The following NUDCD1 variants were observed in gnomAD, a reference collection of about 807,000 sequenced individuals.
NUDCD1 encodes NudC domain containing 1.
NUDCD1 carries 60 observed loss-of-function variants against 67.8 expected under a neutral mutation model. The observed-to-expected ratio is 0.88, with a 90% CI of 0.72 to 1.10. NUDCD1 has a LOEUF of 1.10. NUDCD1 is among the 50% of genes least tolerant of loss of function. NUDCD1 has a pLI of 0.00. For missense variants in NUDCD1, 643 were observed against 695.0 expected, an observed-to-expected ratio of 0.93 and a Z score of 0.84; for synonymous variants, 244 against 230.8, an observed-to-expected ratio of 1.06 and a Z score of -0.52.
At chr8:109,264,403 G>A (rs1813942537) in intron 8 of NUDCD1, among the ~76,000 whole-genome samples, 1 of 152,094 alleles carries the variant, frequency 6.6e-6, no homozygotes, top group South Asian at 2.1e-4. Context: ...ACACTTTTCT[G>A]GTGAGATTAG....
At chr8:109,311,557 G>GTGTGTGTGTA (rs1815249161) in intron 2 of NUDCD1, among the ~76,000 whole-genome samples, 1 of 62,688 alleles carries the variant, frequency 1.6e-5, no homozygotes, top group African/African-American at 1.2e-4. Flanking sequence ...AGAAACTGTG[G>GTGTGTGTGTA]TGTATATATA....
At chr8:109,257,658 C>T (rs770110453) in intron 8 of NUDCD1, among the ~76,000 whole-genome samples, 13 of 152,028 alleles carry the variant, frequency 8.6e-5, no homozygotes, top group South Asian at 2.1e-4. Context: ...ACCATCTGAA[C>T]GGAAACTCCC....
intron 8 of NUDCD1, among the ~76,000 whole-genome samples, chr8:109,263,070 A>AAC (rs1216815682): frequency 2.0e-5 from 3 of 150,180 alleles, no homozygotes; most frequent in Non-Finnish European, 3.0e-5. Flanking sequence ...AAAAAAAAAA[A>AAC]AAAAAAAAAC....
chr8:109,276,808 G>A (rs66582255), intron 6 of NUDCD1, among the ~76,000 whole-genome samples: 14,227 of 151,906 alleles, frequency 0.094, 729 homozygotes, highest in Middle Eastern at 0.14. Flanking sequence ...TACAGGCCAC[G>A]CCATCATGCC....
intron 2 of NUDCD1, among the ~76,000 whole-genome samples, chr8:109,296,981 T>C (rs1169089247): frequency 1.3e-5 from 2 of 152,184 alleles, no homozygotes; most frequent in Non-Finnish European, 2.9e-5. Flanking sequence ...AGGCTTCAGA[T>C]GACTGCAGCC....
chr8:109,312,079 A>G (rs1815267230), intron 2 of NUDCD1, among the ~76,000 whole-genome samples: 1 of 152,108 alleles, frequency 6.6e-6, no homozygotes, highest in Admixed American at 6.6e-5. Flanking sequence ...AAGGCAGGCG[A>G]ATCACCTGAG....
At chr8:109,274,925 A>G (rs1814243979) in intron 7 of NUDCD1, among the ~76,000 whole-genome samples, 1 of 152,166 alleles carries the variant, frequency 6.6e-6, no homozygotes, top group Non-Finnish European at 1.5e-5. Flanking sequence ...CATTATAAAG[A>G]AAAAATAACT....
chr8:109,243,048 G>T lies in NUDCD1; in HGVS notation c.1713C>A (p.Thr571=). The part of the protein sequence containing the change: ...ATNERLFVLT[T]KNLFLIKVNT... ...TTACTTTTATTAAAAAGAGGTTTTT[G>T]GTAGTAAGAACAAATAATCTCTCAT... The change falls in exon 10 of 10, where the codon ACC becomes ACA. Residue 571 remains threonine (T), a synonymous_variant. Transcript: ENST00000239690. The T allele has an allele frequency of 6.3e-7, 1 of 1,599,038 alleles. No individual in the cohort carries two copies. The highest frequency in any genetic ancestry group is 2.2e-5 in the East Asian group (1 of 44,784).
Position 109,333,921 on chromosome 8 carries a change from C to G in NUDCD1, c.90G>C (p.Leu30=). ...CGTCAAGCTCCAGCTGGTAACAAGGCAGCGGCTCAAGAGAGAGCTTGTAAC... is the reference window on the plus strand; with the variant it reads ...CGTCAAGCTCCAGCTGGTAACAAGGGAGCGGCTCAAGAGAGAGCTTGTAAC... The part of the protein sequence containing the change: ...FEGYKLSLEP[L]PCYQLELDAA... Residue 30 remains leucine (L), a synonymous_variant, in exon 1 of 10, where the codon CTG becomes CTC. Transcript: ENST00000239690. The G allele has an allele frequency of 6.2e-7, 1 of 1,614,184 alleles. No individual in the cohort carries two copies. Among genetic ancestry groups the G allele is most frequent in the Non-Finnish European group, 8.5e-7 (1 of 1,179,990 alleles).
chr8:109,325,464 C>G (rs537149568), intron 1 of NUDCD1, among the ~76,000 whole-genome samples: 23 of 152,212 alleles, frequency 1.5e-4, no homozygotes, highest in African/African-American at 4.8e-4. Flanking sequence ...AACATAAAAT[C>G]CCAGTTTATC....
intron 1 of NUDCD1, chr8:109,329,949 C>T (rs918816312): frequency 2.9e-5 from 43 of 1,459,958 alleles, no homozygotes; most frequent in Middle Eastern, 1.8e-4. Flanking sequence ...ACTATGGCAA[C>T]GCATAATACA....
chr8:109,296,268 T>C, intron 3 of NUDCD1, 116 bp downstream of exon 3: 1 of 816,160 alleles, frequency 1.2e-6, no homozygotes, highest in Admixed American at 2.4e-5. Context: ...ACATTATATA[T>C]CAAACAAACA....
Position 109,245,326 on chromosome 8 carries a change from A to G in NUDCD1, c.1455T>C (p.Ala485=). 1.2e-6 allele frequency: 2 copies of G among 1,611,988 alleles called. No individual in the cohort carries two copies. The highest frequency in any genetic ancestry group is 1.7e-6 in the Non-Finnish European group (2 of 1,179,092). Residue 485 remains alanine, a synonymous_variant, in exon 9 of 10, where the codon GCT becomes GCC. Transcript: ENST00000239690. ...DMWEHIATFN[A]LGYVQASKRD... is the part of the protein sequence containing the mutation. ...GTCAAAGAGTTTGCTTTATACCTAA[A>G]GCATTGAAAGTTGCGATGTGCTCCC... is the stretch of plus-strand genomic sequence containing the variant.
intron 7 of NUDCD1, among the ~76,000 whole-genome samples, chr8:109,274,021 CATG>C (rs1814219502): frequency 6.6e-6 from 1 of 152,104 alleles, no homozygotes. Flanking sequence ...TATAATCATT[CATG>C]ATAAAAACTC....
At chr8:109,269,544 G>A (rs1233633326) in intron 8 of NUDCD1, among the ~76,000 whole-genome samples, 2 of 152,146 alleles carry the variant, frequency 1.3e-5, no homozygotes, top group Non-Finnish European at 2.9e-5. Flanking sequence ...AGCTTCCCAT[G>A]ACACTTTTAA....
rs1815174427 is a variant in NUDCD1, at chr8:109,308,942, A to T, written c.274-12373T>A. 2.7e-5 allele frequency among the ~76,000 whole-genome samples: 4 copies of T among 149,834 alleles called. No homozygotes were observed. The Admixed American group carries it at 2.7e-4, about 10-fold the overall frequency. On this transcript the variant is annotated intron_variant, in intron 2 of 9. Coordinates refer to ENST00000239690, the MANE Select transcript of NUDCD1 (RefSeq NM_032869.4). ...AGCCGAGATCGTGCCACTGCACTCC[A>T]GCCTGGGTGACAGAGCAAGAGTCCA...
intron 1 of NUDCD1, among the ~76,000 whole-genome samples, chr8:109,325,130 T>C (rs1586313630): frequency 2.0e-5 from 3 of 151,408 alleles, no homozygotes; most frequent in Non-Finnish European, 4.4e-5. Flanking sequence ...AAAGACATCA[T>C]ACACGCAGCT....
chr8:109,296,444 A>C lies in NUDCD1; in HGVS notation c.399T>G (p.Thr133=). The change falls in exon 3 of 10, where the codon ACT becomes ACG. Residue 133 remains threonine (T), a synonymous_variant. Transcript: ENST00000239690. The part of the protein sequence containing the change: ...SSTWVTLSDG[T]GRLYVIGTGE... Reference sequence around the variant, plus strand: ...CTGTTCCAATGACATACAATCTTCCAGTTCCATCTGACAAGGTAACCCAGG... The same window carrying C: ...CTGTTCCAATGACATACAATCTTCCCGTTCCATCTGACAAGGTAACCCAGG... The C allele has an allele frequency of 6.2e-7, 1 of 1,613,736 alleles. No homozygotes were observed. The highest frequency in any genetic ancestry group is 8.5e-7 in the Non-Finnish European group (1 of 1,179,722).
At chr8:109,246,987 T>C (rs891406761) in intron 8 of NUDCD1, among the ~76,000 whole-genome samples, 1 of 152,172 alleles carries the variant, frequency 6.6e-6, no homozygotes, top group Non-Finnish European at 1.5e-5. Flanking sequence ...TCCCCAGCAA[T>C]GCCAGGGAAA....
Sources: allele counts gnomAD v4.1 joint callset (sites outside exome capture counted in the v4.1 genomes callset), GRCh38; gene constraint gnomAD v4.1.1; transcripts MANE v1.5; gene names NCBI Gene and HGNC (gene_info 2026-07-23, HGNC 2026-07-21).